PCSK5: variants seen among roughly 807,000 people sequenced by gnomAD.
PCSK5 encodes the protein prohormone convertase 5.
In PCSK5, 129 loss-of-function variants were observed where a neutral mutation model predicts 233.2. That is an observed-to-expected ratio of 0.55 (90% confidence interval 0.48 to 0.64). The LOEUF (loss-of-function observed/expected upper bound fraction) is 0.64. Ranked by LOEUF, PCSK5 falls within the 30% of genes least tolerant of loss-of-function variation. The pLI, the probability that PCSK5 is intolerant of heterozygous loss-of-function variation, is 0.00. For missense variants in PCSK5, 2,076 were observed against 2,430.1 expected (o/e 0.85, Z 3.06); for synonymous variants, 825 against 879.2 (o/e 0.94, Z 1.09).
intron 34 of PCSK5, among the ~76,000 whole-genome samples, chr9:76,334,768 G>C (rs1235790406): frequency 2.6e-5 from 4 of 152,010 alleles, no homozygotes; most frequent in South Asian, 2.1e-4. Context: ...GGAAGAAAGG[G>C]CCCTGCCAGA....
At chr9:76,037,768 C>T (rs866463766) in intron 5 of PCSK5, among the ~76,000 whole-genome samples, 3 of 152,036 alleles carry the variant, frequency 2.0e-5, no homozygotes, top group African/African-American at 4.8e-5. Flanking sequence ...TTGTGTCGTA[C>T]GTGGGGAATT....
rs58485029 is a variant in PCSK5, at chr9:76,316,740, C to CAA, written c.3885-4655_3885-4654dup. 4.0e-3 allele frequency among the ~76,000 whole-genome samples: 261 copies of CAA among 64,612 alleles called. 22 individuals carry two copies. The highest frequency in any genetic ancestry group is 0.018 in the East Asian group (23 of 1,310). The allele number at this position is 64,612 out of a possible 152,430, so 42.4% of individuals were successfully genotyped here. A position where few individuals can be genotyped will look rare whatever the true frequency, so the allele number is the denominator to read the frequency against. On this transcript the variant is annotated intron_variant, in intron 30 of 37. Coordinates refer to ENST00000674117, the MANE Select transcript of PCSK5 (RefSeq NM_001372043.1). ...GCAACAGAGCCAGACCTTGTCTCAC[C>CAA]AAAAAAAAAAAAAAAAAAAAAAAAA...
At chr9:76,050,181 T>A (rs1829572878) in intron 5 of PCSK5, among the ~76,000 whole-genome samples, 1 of 152,096 alleles carries the variant, frequency 6.6e-6, no homozygotes, top group African/African-American at 2.4e-5. Context: ...TCTCATTAGG[T>A]GTAGTTAAGA....
chr9:76,123,512 A>G (rs930363738), intron 9 of PCSK5, among the ~76,000 whole-genome samples: 3 of 152,150 alleles, frequency 2.0e-5, no homozygotes, highest in Middle Eastern at 3.2e-3. Context: ...TTATTTCCCT[A>G]TCTTTAATAC....
chr9:76,191,265 G>A (rs1281194577), intron 20 of PCSK5, among the ~76,000 whole-genome samples: 5 of 152,130 alleles, frequency 3.3e-5, no homozygotes, highest in East Asian at 1.9e-4. Flanking sequence ...GCTGCCCTAG[G>A]TTTATTCTTT....
At chr9:76,028,679 G>A (rs1020835724) in intron 5 of PCSK5, among the ~76,000 whole-genome samples, 5 of 152,092 alleles carry the variant, frequency 3.3e-5, no homozygotes, top group Non-Finnish European at 4.4e-5. Flanking sequence ...TCACACTCTC[G>A]GAGCCAGAGG....
At chr9:76,008,420 A>G (rs1827575669) in intron 3 of PCSK5, among the ~76,000 whole-genome samples, 1 of 151,306 alleles carries the variant, frequency 6.6e-6, no homozygotes, top group Non-Finnish European at 1.5e-5. Context: ...TTTAGATCCT[A>G]TTCTGGGTAG....
rs1265526663 is a variant in PCSK5 at position 75,928,607 on chromosome 9, A to ATG, written c.193-3771_193-3770insGT. On this transcript the variant is annotated intron_variant, in intron 1 of 37. Coordinates refer to ENST00000674117, the MANE Select transcript of PCSK5 (RefSeq NM_001372043.1). ...TTTACATATAAATACATATATATAT[A>ATG]TATATATATATATATATATATATAT... Among the ~76,000 whole-genome samples the ATG allele has an allele frequency of 4.7e-4, 48 of 101,472 alleles. 1 individual carries two copies. Among genetic ancestry groups the ATG allele is most frequent in the African/African-American group, 1.9e-3 (39 of 20,514 alleles). The allele number at this position is 101,472 out of a possible 152,430, so 66.6% of individuals were successfully genotyped here. A position where few individuals can be genotyped will look rare whatever the true frequency, so the allele number is the denominator to read the frequency against.
chr9:76,299,015 C>A (rs1828528337), intron 27 of PCSK5, among the ~76,000 whole-genome samples: 1 of 152,208 alleles, frequency 6.6e-6, no homozygotes, highest in South Asian at 2.1e-4. Context: ...CATCTATCAG[C>A]ACAGGCTGGG....
At chr9:76,345,457 C>T (rs1442272230) in intron 35 of PCSK5, among the ~76,000 whole-genome samples, 5 of 152,112 alleles carry the variant, frequency 3.3e-5, no homozygotes, top group Admixed American at 6.6e-5. Context: ...CTCACTCTGT[C>T]GCCCAGGCTG....
chr9:76,030,457 A>T (rs1563982761), intron 5 of PCSK5, among the ~76,000 whole-genome samples: 1 of 152,188 alleles, frequency 6.6e-6, no homozygotes, highest in Non-Finnish European at 1.5e-5. Flanking sequence ...TGACAAGGAA[A>T]TTTGTTACCT....
chr9:76,281,959 T>A (rs1315214575), intron 24 of PCSK5, among the ~76,000 whole-genome samples: 1 of 152,050 alleles, frequency 6.6e-6, no homozygotes, highest in Non-Finnish European at 1.5e-5. Flanking sequence ...TAAGTCTTAC[T>A]GAGAAAGACA....
At chr9:76,246,822 G>T (rs1319213262) in intron 24 of PCSK5, among the ~76,000 whole-genome samples, 2 of 152,222 alleles carry the variant, frequency 1.3e-5, no homozygotes, top group African/African-American at 4.8e-5. Flanking sequence ...AGGCACAAAG[G>T]TACACATAGT....
intron 7 of PCSK5, among the ~76,000 whole-genome samples, chr9:76,091,312 TGAGAGAGAGAGA>T (rs71992221): frequency 6.7e-6 from 1 of 150,048 alleles, no homozygotes. Flanking sequence ...GCCTACAATC[TGAGAGAGAGAGA>T]GAGAGAGAAA....
chr9:76,168,047 G>A (rs936644531), intron 12 of PCSK5, among the ~76,000 whole-genome samples: 3 of 152,042 alleles, frequency 2.0e-5, no homozygotes, highest in Admixed American at 6.6e-5. Flanking sequence ...GACTTGCCCC[G>A]TCTTTCACTT....
At chr9:76,351,509 AAAG>A (rs1564196825) in intron 36 of PCSK5, among the ~76,000 whole-genome samples, 6 of 122,412 alleles carry the variant, frequency 4.9e-5, no homozygotes, top group African/African-American at 1.7e-4. Flanking sequence ...AGAAAGAAAG[AAAG>A]AAAGAAAGAA....
chr9:75,992,051 G>A (rs1255887187), intron 3 of PCSK5, among the ~76,000 whole-genome samples: 1 of 152,060 alleles, frequency 6.6e-6, no homozygotes, highest in Non-Finnish European at 1.5e-5. Flanking sequence ...AGCTATGATT[G>A]CACCATTATG....
intron 7 of PCSK5, among the ~76,000 whole-genome samples, chr9:76,082,304 C>A (rs900422810): frequency 6.6e-6 from 1 of 152,168 alleles, no homozygotes; most frequent in Non-Finnish European, 1.5e-5. Context: ...CTTCATCTTC[C>A]CAGTCAGTCC....
chr9:76,175,124 A>G lies in PCSK5; in HGVS notation c.1895A>G (p.Tyr632Cys). 1.2e-6 allele frequency: 2 copies of G among 1,614,156 alleles called. No homozygotes were observed. The highest frequency in any genetic ancestry group is 1.7e-6 in the Non-Finnish European group (2 of 1,179,994). ...DPTDDYGTEDYAGPCDPECSE... is the reference protein window; with the variant it reads ...DPTDDYGTEDCAGPCDPECSE... ...ACAGACGACTATGGCACAGAGGATT[A>G]TGCAGGTGAGCTGGCTTCCAGTGGG... Residue 632 changes from tyrosine to cysteine, a missense_variant, in exon 14 of 38, where the codon TAT becomes TGT. Transcript: ENST00000674117.
Sources: allele counts gnomAD v4.1 joint callset (sites outside exome capture counted in the v4.1 genomes callset), GRCh38; gene constraint gnomAD v4.1.1; transcripts MANE v1.5; gene names NCBI Gene and HGNC (gene_info 2026-07-23, HGNC 2026-07-21).